Variants in KCNAB1 observed in about 807,000 individuals in gnomAD.
KCNAB1 encodes the protein voltage-gated potassium channel subunit beta-1.
Under a neutral mutation model 64.6 loss-of-function variants are expected in KCNAB1, and 35 were observed. The observed-to-expected ratio is 0.54, with a 90% CI of 0.41 to 0.72. KCNAB1 has a LOEUF of 0.72. Among genes scored for constraint, KCNAB1 ranks in the 30% least tolerant of loss-of-function variants. The pLI is 0.00. For synonymous variants in KCNAB1, 177 were observed against 183.8 expected (o/e 0.96, Z 0.30); for missense variants, 401 against 512.9 (o/e 0.78, Z 2.11).
At chr3:156,237,045 T>C (rs1025084849) in intron 1 of KCNAB1, among the ~76,000 whole-genome samples, 1 of 152,204 alleles carries the variant, frequency 6.6e-6, no homozygotes, top group African/African-American at 2.4e-5. Context: ...CTAGGCTCTT[T>C]GTAAGGACGG....
chr3:156,247,706 G>A (rs1462520806), intron 1 of KCNAB1, among the ~76,000 whole-genome samples: 2 of 152,088 alleles, frequency 1.3e-5, no homozygotes, highest in African/African-American at 2.4e-5. Flanking sequence ...AGGACTACAG[G>A]CATGAACCAC....
chr3:156,431,760 T>C, intron 2 of KCNAB1, among the ~76,000 whole-genome samples: 1 of 152,018 alleles, frequency 6.6e-6, no homozygotes, highest in East Asian at 1.9e-4. Context: ...CATGAAAGAA[T>C]TTCTAGGCTC....
At chr3:156,171,613 A>G (rs558226748) in intron 1 of KCNAB1, among the ~76,000 whole-genome samples, 2 of 152,362 alleles carry the variant, frequency 1.3e-5, no homozygotes, top group East Asian at 3.9e-4. Flanking sequence ...TCATATTTAT[A>G]TAACATTTTC....
At chr3:156,162,598 A>G (rs1716146180) in intron 1 of KCNAB1, among the ~76,000 whole-genome samples, 1 of 152,218 alleles carries the variant, frequency 6.6e-6, no homozygotes, top group African/African-American at 2.4e-5. Flanking sequence ...AGTTCCTAAC[A>G]TCTCTCATAG....
chr3:156,123,407 G>T (rs897108372), intron 1 of KCNAB1, among the ~76,000 whole-genome samples: 4 of 152,186 alleles, frequency 2.6e-5, no homozygotes, highest in African/African-American at 9.7e-5. Flanking sequence ...GGAATTTGAG[G>T]ATTGCTTTAT....
intron 1 of KCNAB1, among the ~76,000 whole-genome samples, chr3:156,397,415 C>T (rs954011338): frequency 1.3e-5 from 2 of 152,140 alleles, no homozygotes; most frequent in Non-Finnish European, 1.5e-5. Context: ...ATGTCTGAAC[C>T]GTCTGCACAT....
chr3:156,276,503 G>A (rs1719354899), intron 1 of KCNAB1, among the ~76,000 whole-genome samples: 1 of 152,102 alleles, frequency 6.6e-6, no homozygotes, highest in Admixed American at 6.6e-5. Context: ...AGTCCTAGAT[G>A]GCATCTTCTT....
At chr3:156,235,045 C>T (rs1716767988) in intron 1 of KCNAB1, among the ~76,000 whole-genome samples, 2 of 152,206 alleles carry the variant, frequency 1.3e-5, no homozygotes, top group Non-Finnish European at 1.5e-5. Flanking sequence ...GGTGAGGGAA[C>T]TGGGCTCCCT....
At chr3:156,465,403 A>C (rs1713288330) in intron 6 of KCNAB1, among the ~76,000 whole-genome samples, 1 of 152,156 alleles carries the variant, frequency 6.6e-6, no homozygotes, top group Non-Finnish European at 1.5e-5. Context: ...GTTGCTGTTA[A>C]CTGGAGCCTG....
At chr3:156,328,530 G>C (rs1332413206) in intron 1 of KCNAB1, among the ~76,000 whole-genome samples, 3 of 152,002 alleles carry the variant, frequency 2.0e-5, no homozygotes, top group Admixed American at 6.6e-5. Flanking sequence ...ATTTAGCTGG[G>C]TCACCCTATC....
chr3:156,339,397 C>G (rs1275497277), intron 1 of KCNAB1, among the ~76,000 whole-genome samples: 2 of 152,168 alleles, frequency 1.3e-5, no homozygotes, highest in African/African-American at 4.8e-5. Flanking sequence ...AGTGCCTACT[C>G]TGTGTTTATT....
At chr3:156,214,375 G>T (rs183557079) in intron 1 of KCNAB1, among the ~76,000 whole-genome samples, 1 of 152,136 alleles carries the variant, frequency 6.6e-6, no homozygotes, top group African/African-American at 2.4e-5. Context: ...TATGCTAATT[G>T]CAGGCACTTA....
At position 156,387,014 on chromosome 3, in the gene KCNAB1, C is replaced by CTCTTTTT. The variant is rs60888308; in HGVS notation, c.276-34601_276-34600insCTTTTTT. On this transcript the variant is annotated intron_variant, in intron 1 of 13. Transcript: ENST00000490337. ...TCTTGCTTGCTTGCTTTCTCTCTCT[C>CTCTTTTT]TTTTTTTTTTTTTTTTTTTTGCCTG... Among the ~76,000 whole-genome samples, 8 of 90,516 alleles carry CTCTTTTT rather than the reference C, an allele frequency of 8.8e-5. 1 individual carries two copies. The highest frequency in any genetic ancestry group is 2.2e-4 in the African/African-American group (4 of 18,378). 59.4% of individuals were successfully genotyped at this position (90,516 alleles called of 152,430 possible). A position where few individuals can be genotyped will look rare whatever the true frequency, so the allele number is the denominator to read the frequency against.
intron 1 of KCNAB1, among the ~76,000 whole-genome samples, chr3:156,121,641 A>G (rs1048596403): frequency 3.3e-5 from 5 of 152,244 alleles, no homozygotes; most frequent in Non-Finnish European, 5.9e-5. Flanking sequence ...AAAATCTCTT[A>G]GGAATTAAAG....
chr3:156,435,552 C>T (rs1337919673), intron 2 of KCNAB1, among the ~76,000 whole-genome samples: 1 of 152,138 alleles, frequency 6.6e-6, no homozygotes, highest in Non-Finnish European at 1.5e-5. Context: ...GACAGTGAAT[C>T]AATGGACTTG....
chr3:156,323,267 A>G (rs542197690), intron 1 of KCNAB1, among the ~76,000 whole-genome samples: 100 of 152,284 alleles, frequency 6.6e-4, no homozygotes, highest in African/African-American at 2.3e-3. Flanking sequence ...TGAAGGACCA[A>G]TGACTGGAGT....
At chr3:156,403,069 T>C (rs1714012283) in intron 1 of KCNAB1, among the ~76,000 whole-genome samples, 2 of 152,260 alleles carry the variant, frequency 1.3e-5, no homozygotes, top group Non-Finnish European at 2.9e-5. Flanking sequence ...AAAAAATCTA[T>C]TTCTTGCTGA....
chr3:156,169,976 CAT>C (rs1711853092), intron 1 of KCNAB1, among the ~76,000 whole-genome samples: 2 of 152,210 alleles, frequency 1.3e-5, no homozygotes, highest in Non-Finnish European at 1.5e-5. Context: ...CCTGATCAAT[CAT>C]ATTCCCAAAG....
Position 156,426,288 on chromosome 3 carries a change from A to C in KCNAB1, c.319+4629A>C, listed in dbSNP as rs962489419. 2.0e-5 allele frequency among the ~76,000 whole-genome samples: 3 copies of C among 152,076 alleles called. No homozygotes were observed. The East Asian group carries it at 5.8e-4, about 29-fold the overall frequency. The stretch of plus-strand genomic sequence containing the variant: ...CATCAAAGCAGCCCACTTTTTCTGC[A>C]TATTATTATTATTATTTTAAAAAAA... On this transcript the variant is annotated intron_variant, in intron 2 of 13. Coordinates refer to ENST00000490337, the MANE Select transcript of KCNAB1 (RefSeq NM_172160.3).
Sources: gnomAD v4.1 joint callset for allele counts (sites outside exome capture counted in the v4.1 genomes callset) on GRCh38, gnomAD v4.1.1 for gene constraint, MANE v1.5 for transcripts, NCBI Gene and HGNC (gene_info 2026-07-23, HGNC 2026-07-21) for gene names.